AMPH: variants seen among roughly 807,000 people sequenced by gnomAD.
The protein encoded by AMPH is amphiphysin.
A neutral mutation model predicts 99.1 loss-of-function variants in AMPH; 49 were observed. The observed-to-expected ratio is 0.49, with a 90% CI of 0.39 to 0.63. The LOEUF (loss-of-function observed/expected upper bound fraction) is 0.63. Among genes scored for constraint, AMPH ranks in the 20% least tolerant of loss-of-function variants. The probability of loss-of-function intolerance (pLI) is 0.00; values close to 1 mark genes in which losing one functional copy is unlikely to be tolerated. For synonymous variants in AMPH, 314 were observed against 317.3 expected (o/e 0.99, Z 0.11); for missense variants, 759 against 863.4 (o/e 0.88, Z 1.52).
intron 12 of AMPH, among the ~76,000 whole-genome samples, chr7:38,434,117 C>G (rs1189090270): frequency 6.6e-6 from 1 of 152,116 alleles, no homozygotes; most frequent in African/African-American, 2.4e-5. Context: ...TGTAATGACT[C>G]AGTTATGGCC....
chr7:38,546,974 A>C (rs1791016554), intron 1 of AMPH, among the ~76,000 whole-genome samples: 2 of 152,090 alleles, frequency 1.3e-5, no homozygotes, highest in African/African-American at 4.8e-5. Flanking sequence ...AGTCTCAACC[A>C]ATGGTAAGCA....
At chr7:38,393,382 G>A (rs1448436073) in intron 18 of AMPH, among the ~76,000 whole-genome samples, 1 of 152,190 alleles carries the variant, frequency 6.6e-6, no homozygotes, top group Non-Finnish European at 1.5e-5. Flanking sequence ...AGACAATGGA[G>A]GCAGGCCCTG....
At chr7:38,538,629 A>G (rs948609397) in intron 1 of AMPH, among the ~76,000 whole-genome samples, 1 of 152,236 alleles carries the variant, frequency 6.6e-6, no homozygotes, top group African/African-American at 2.4e-5. Flanking sequence ...AAGGCAAGAT[A>G]GGAATAATGA....
intron 1 of AMPH, among the ~76,000 whole-genome samples, chr7:38,577,970 C>T (rs186735775): frequency 9.2e-5 from 14 of 152,312 alleles, no homozygotes; most frequent in Admixed American, 7.8e-4. Flanking sequence ...TGGAAACAAA[C>T]ACGATAGCTG....
intron 2 of AMPH, among the ~76,000 whole-genome samples, chr7:38,508,444 T>C (rs1236751585): frequency 6.6e-6 from 1 of 152,158 alleles, no homozygotes; most frequent in Non-Finnish European, 1.5e-5. Context: ...TAACTTTTGT[T>C]ATAAAAAGAA....
At chr7:38,490,243 C>G (rs1192446401) in intron 5 of AMPH, among the ~76,000 whole-genome samples, 1 of 152,146 alleles carries the variant, frequency 6.6e-6, no homozygotes, top group Non-Finnish European at 1.5e-5. Flanking sequence ...TGCCCAACTA[C>G]TTAGTAAAGC....
intron 11 of AMPH, among the ~76,000 whole-genome samples, chr7:38,458,133 G>C (rs1787302474): frequency 6.6e-6 from 1 of 151,932 alleles, no homozygotes; most frequent in South Asian, 2.1e-4. Flanking sequence ...TCACTATCTG[G>C]GTGATGAGAT....
At chr7:38,412,219 T>C (rs1785236159) in intron 17 of AMPH, among the ~76,000 whole-genome samples, 1 of 152,184 alleles carries the variant, frequency 6.6e-6, no homozygotes, top group African/African-American at 2.4e-5. Flanking sequence ...TTGAAAATGG[T>C]TAATTTTATT....
intron 16 of AMPH, among the ~76,000 whole-genome samples, chr7:38,420,262 T>C (rs184399275): frequency 2.6e-3 from 400 of 152,276 alleles, no homozygotes; most frequent in Non-Finnish European, 4.7e-3. Flanking sequence ...TCCAAGATAA[T>C]GTAAAATTCT....
chr7:38,521,861 G>A (rs1207900931), intron 2 of AMPH, among the ~76,000 whole-genome samples: 1 of 152,144 alleles, frequency 6.6e-6, no homozygotes, highest in Non-Finnish European at 1.5e-5. Flanking sequence ...CTGAGACCAG[G>A]ACATTCAGTA....
chr7:38,630,885 G>A (rs1207622519), intron 1 of AMPH, among the ~76,000 whole-genome samples: 1 of 152,206 alleles, frequency 6.6e-6, no homozygotes, highest in East Asian at 1.9e-4. Context: ...CTGCGGGCGC[G>A]CTGGGAGCCG....
At chr7:38,392,555 T>A (rs1784540371) in intron 18 of AMPH, 1 of 152,668 alleles carries the variant, frequency 6.6e-6, no homozygotes, top group South Asian at 2.1e-4. Flanking sequence ...CCCAGCTAAT[T>A]TTTATATTTT....
intron 1 of AMPH, among the ~76,000 whole-genome samples, chr7:38,545,044 G>A (rs1790943113): frequency 6.6e-6 from 1 of 152,120 alleles, no homozygotes; most frequent in African/African-American, 2.4e-5. Context: ...TTATTTTCTG[G>A]CAACTCTCTT....
intron 17 of AMPH, among the ~76,000 whole-genome samples, chr7:38,413,667 A>C (rs1785278606): frequency 6.6e-6 from 1 of 152,176 alleles, no homozygotes; most frequent in South Asian, 2.1e-4. Flanking sequence ...GGTAAACAGG[A>C]ACATCCATCT....
chr7:38,474,657 T>C (rs552705267), intron 7 of AMPH, among the ~76,000 whole-genome samples: 2 of 152,066 alleles, frequency 1.3e-5, no homozygotes, highest in Non-Finnish European at 2.9e-5. Context: ...TCTGGCTAAT[T>C]TGGGGTGGGA....
At chr7:38,579,306 T>G (rs1792360573) in intron 1 of AMPH, among the ~76,000 whole-genome samples, 1 of 152,170 alleles carries the variant, frequency 6.6e-6, no homozygotes, top group South Asian at 2.1e-4. Context: ...CAGTGGCCAC[T>G]CTCCACTGGG....
At chr7:38,419,910 G>C (rs1218221776) in intron 16 of AMPH, among the ~76,000 whole-genome samples, 1 of 152,178 alleles carries the variant, frequency 6.6e-6, no homozygotes. Flanking sequence ...ATTTGCACCA[G>C]AGTCTGGGTT....
chr7:38,568,763 T>C (rs915542501), intron 1 of AMPH, among the ~76,000 whole-genome samples: 6 of 152,244 alleles, frequency 3.9e-5, no homozygotes, highest in African/African-American at 1.4e-4. Context: ...TACCACACCT[T>C]GTGCCCAGCA....
At chr7:38,424,862 T>C (rs895029312) in intron 15 of AMPH, among the ~76,000 whole-genome samples, 2 of 151,166 alleles carry the variant, frequency 1.3e-5, no homozygotes, top group Non-Finnish European at 2.9e-5. Flanking sequence ...AGGAGGGAGA[T>C]AGAGAGAAAG....
Sources: allele counts gnomAD v4.1 joint callset (sites outside exome capture counted in the v4.1 genomes callset), GRCh38; gene constraint gnomAD v4.1.1; transcripts MANE v1.5; gene names NCBI Gene and HGNC (gene_info 2026-07-23, HGNC 2026-07-21).